Variants in MYRIP observed in about 807,000 individuals in gnomAD.
MYRIP encodes rab effector MyRIP.
In MYRIP, 49 loss-of-function variants were observed where a neutral mutation model predicts 98.0. The observed-to-expected ratio is 0.50, with a 90% confidence interval of 0.40 to 0.63. The LOEUF is 0.63. Among genes scored for constraint, MYRIP ranks in the 30% least tolerant of loss-of-function variants. The pLI is 0.00. For synonymous variants in MYRIP, 404 were observed against 409.5 expected (o/e 0.99, Z 0.16); for missense variants, 1,004 against 1,058.2 (o/e 0.95, Z 0.71).
chr3:40,120,082 A>G (rs1219736861), intron 3 of MYRIP, among the ~76,000 whole-genome samples: 1 of 152,210 alleles, frequency 6.6e-6, no homozygotes, highest in Admixed American at 6.5e-5. Flanking sequence ...CAGGCTTGTC[A>G]TAGGCATTCA....
chr3:40,098,209 T>G (rs992629894), intron 3 of MYRIP, among the ~76,000 whole-genome samples: 1 of 152,248 alleles, frequency 6.6e-6, no homozygotes, highest in Non-Finnish European at 1.5e-5. Flanking sequence ...GTTTGCATTT[T>G]ATTTGCTAAA....
At chr3:40,229,360 T>C (rs1952581347) in intron 11 of MYRIP, among the ~76,000 whole-genome samples, 1 of 152,020 alleles carries the variant, frequency 6.6e-6, no homozygotes, top group South Asian at 2.1e-4. Flanking sequence ...CTACAGTCCC[T>C]AGAGGAAAAA....
rs1343730777 is a variant in MYRIP at position 40,185,161 on chromosome 3, G to A, written c.1027+2788G>A. Among the ~76,000 whole-genome samples the A allele has an allele frequency of 2.0e-5, 3 of 152,208 alleles. No homozygotes were observed. The East Asian group carries it at 5.8e-4, about 29-fold the overall frequency. On this transcript the variant is annotated intron_variant, in intron 9 of 16. Transcript: ENST00000302541. ...GGCTATATTTGGCAGTTGTGTTTATGCCTCAGGAGAAGGGTTGATTCAGGA... is the reference window on the plus strand; with the variant it reads ...GGCTATATTTGGCAGTTGTGTTTATACCTCAGGAGAAGGGTTGATTCAGGA...
chr3:39,851,199 C>G (rs1215858754), intron 1 of MYRIP, among the ~76,000 whole-genome samples: 1 of 151,954 alleles, frequency 6.6e-6, no homozygotes, highest in Non-Finnish European at 1.5e-5. Context: ...TGCCAATAAT[C>G]TATGATGGAT....
At chr3:39,993,149 A>G (rs1444855069) in intron 2 of MYRIP, among the ~76,000 whole-genome samples, 1 of 152,200 alleles carries the variant, frequency 6.6e-6, no homozygotes, top group East Asian at 1.9e-4. Flanking sequence ...ATCCCATGAC[A>G]GAAAGGCAAA....
At chr3:39,903,661 C>T (rs1943800535) in intron 2 of MYRIP, among the ~76,000 whole-genome samples, 1 of 152,186 alleles carries the variant, frequency 6.6e-6, no homozygotes, top group Non-Finnish European at 1.5e-5. Context: ...TGGCACTGCC[C>T]TGGGTACTGC....
chr3:39,868,657 C>A (rs551781070), intron 1 of MYRIP, among the ~76,000 whole-genome samples: 1 of 152,016 alleles, frequency 6.6e-6, no homozygotes, highest in Admixed American at 6.6e-5. Context: ...ACTTGCTGAC[C>A]CTAAAGGGTC....
rs778609132 is a variant in MYRIP at position 40,182,364 on chromosome 3, G to T, written c.1018G>T (p.Asp340Tyr). 1.9e-6 allele frequency: 3 copies of T among 1,612,214 alleles called. No homozygotes were observed. Among genetic ancestry groups the T allele is most frequent in the Non-Finnish European group, 2.5e-6 (3 of 1,179,326 alleles). ...LPSWKSVDRL[D>Y]ETNLAPVLQS... ...CAGCTGGAAGAGTGTGGACAGGCTG[G>T]ATGAAACAAGTAACTGTTTTAAGCA... The change falls in exon 9 of 17, where the codon GAT (aspartate) becomes TAT (tyrosine). Residue 340 changes from aspartate to tyrosine, a missense_variant. By Grantham distance (160) the Asp-to-Tyr change is radical (BLOSUM62 -3). Coordinates refer to ENST00000302541, the MANE Select transcript of MYRIP (RefSeq NM_015460.4).
At chr3:40,196,647 ATG>A (rs1436770103) in intron 10 of MYRIP, among the ~76,000 whole-genome samples, 1 of 152,200 alleles carries the variant, frequency 6.6e-6, no homozygotes, top group African/African-American at 2.4e-5. Flanking sequence ...TGAATGTTTT[ATG>A]TGTGTTTAGA....
intron 2 of MYRIP, among the ~76,000 whole-genome samples, chr3:40,004,556 C>T (rs1297655294): frequency 6.6e-6 from 1 of 151,948 alleles, no homozygotes; most frequent in Admixed American, 6.6e-5. Flanking sequence ...GTGGTGATTT[C>T]TGAGATTTTG....
At chr3:40,155,529 A>G (rs983826074) in intron 4 of MYRIP, among the ~76,000 whole-genome samples, 1 of 152,064 alleles carries the variant, frequency 6.6e-6, no homozygotes, top group Non-Finnish European at 1.5e-5. Context: ...GCTGGGTCAA[A>G]TGGTATTTCT....
At chr3:40,167,492 A>G (rs1672885865) in intron 7 of MYRIP, among the ~76,000 whole-genome samples, 1 of 152,214 alleles carries the variant, frequency 6.6e-6, no homozygotes, top group African/African-American at 2.4e-5. Context: ...ATTACTTCTG[A>G]GAAACCAAAC....
chr3:40,139,061 G>C (rs1466205760), intron 3 of MYRIP, among the ~76,000 whole-genome samples: 2 of 152,104 alleles, frequency 1.3e-5, no homozygotes, highest in African/African-American at 4.8e-5. Context: ...ATATGAGTGA[G>C]AACATGCTGT....
intron 2 of MYRIP, among the ~76,000 whole-genome samples, chr3:39,901,344 A>G (rs1315101084): frequency 6.6e-6 from 1 of 152,174 alleles, no homozygotes; most frequent in Non-Finnish European, 1.5e-5. Flanking sequence ...AGCACAGGAA[A>G]AGAGCTTTGA....
chr3:39,815,222 A>T (rs958713749), intron 1 of MYRIP, among the ~76,000 whole-genome samples: 1 of 152,070 alleles, frequency 6.6e-6, no homozygotes, highest in African/African-American at 2.4e-5. Flanking sequence ...TTACCAATCT[A>T]CTAAGTCTAT....
intron 2 of MYRIP, among the ~76,000 whole-genome samples, chr3:39,944,857 G>C (rs912404734): frequency 6.6e-6 from 1 of 152,022 alleles, no homozygotes; most frequent in Non-Finnish European, 1.5e-5. Flanking sequence ...AGGGTACCAA[G>C]AGAAATATTC....
chr3:39,945,499 GA>G (rs894024435), intron 2 of MYRIP, among the ~76,000 whole-genome samples: 1 of 120,852 alleles, frequency 8.3e-6, no homozygotes, highest in Non-Finnish European at 1.8e-5. Context: ...AAAGAAAAAA[GA>G]AAAAAAAAGA....
At chr3:40,238,264 C>T (rs1575668348) in intron 12 of MYRIP, among the ~76,000 whole-genome samples, 1 of 152,238 alleles carries the variant, frequency 6.6e-6, no homozygotes, top group African/African-American at 2.4e-5. Flanking sequence ...GATGACTTTT[C>T]TTCGTCTCTT....
chr3:40,251,747 CA>C, intron 15 of MYRIP, 133 bp from the exon 16 acceptor site: 1 of 626,520 alleles, frequency 1.6e-6, no homozygotes. Flanking sequence ...ATCCCATAGT[CA>C]ATCAAACACA....
Sources: gnomAD v4.1 joint callset for allele counts (sites outside exome capture counted in the v4.1 genomes callset) on GRCh38, gnomAD v4.1.1 for gene constraint, MANE v1.5 for transcripts, NCBI Gene and HGNC (gene_info 2026-07-23, HGNC 2026-07-21) for gene names.